The following SERPINE2 variants were observed in gnomAD, a reference collection of about 807,000 sequenced individuals.
The protein encoded by SERPINE2 is glia-derived nexin.
In SERPINE2, 14 loss-of-function variants were observed where a neutral mutation model predicts 36.3. The observed-to-expected ratio is 0.39, with a 90% CI of 0.25 to 0.60. The LOEUF (loss-of-function observed/expected upper bound fraction) is 0.60, where lower values mean the gene tolerates loss of function less well. Among genes scored for constraint, SERPINE2 ranks in the 20% least tolerant of loss-of-function variants. The pLI, the probability that SERPINE2 is intolerant of heterozygous loss-of-function variation, is 0.57. For synonymous variants in SERPINE2, 192 were observed against 191.8 expected (o/e 1.00, Z -0.01); for missense variants, 418 against 499.6 (o/e 0.84, Z 1.56).
chr2:223,997,932 A>T (rs541237415), intron 3 of SERPINE2, among the ~76,000 whole-genome samples, 183 bp downstream of exon 3: 1 of 152,290 alleles, frequency 6.6e-6, no homozygotes, highest in African/African-American at 2.4e-5. Context: ...ACCTCCCAGG[A>T]GCACAGTGAG....
At chr2:224,029,535 T>C (rs1434820537) in intron 1 of SERPINE2, among the ~76,000 whole-genome samples, 2 of 152,246 alleles carry the variant, frequency 1.3e-5, no homozygotes, top group Non-Finnish European at 2.9e-5. Context: ...ATTCACCATA[T>C]GTTTAAAATA....
At chr2:224,033,147 A>G (rs951792034) in intron 1 of SERPINE2, among the ~76,000 whole-genome samples, 1 of 152,216 alleles carries the variant, frequency 6.6e-6, no homozygotes, top group Non-Finnish European at 1.5e-5. Flanking sequence ...TGGTTTTCAG[A>G]TTAGGCGTGC....
intron 3 of SERPINE2, among the ~76,000 whole-genome samples, chr2:223,992,942 T>C (rs1690731790): frequency 6.6e-6 from 1 of 151,942 alleles, no homozygotes; most frequent in Non-Finnish European, 1.5e-5. Flanking sequence ...CTAGACCCCA[T>C]CTCTAGAAAA....
At chr2:224,005,981 T>C (rs1359029764) in intron 1 of SERPINE2, among the ~76,000 whole-genome samples, 2 of 152,212 alleles carry the variant, frequency 1.3e-5, no homozygotes, top group African/African-American at 2.4e-5. Context: ...TCCTTTCCAA[T>C]ACGGGGAATG....
intron 1 of SERPINE2, chr2:224,031,297 C>G (rs1450920467): frequency 2.8e-5 from 28 of 985,272 alleles, no homozygotes; most frequent in Non-Finnish European, 3.1e-5. Flanking sequence ...CCCTTTATCT[C>G]TGCCACACCC....
chr2:224,030,049 A>G (rs1403193702), intron 1 of SERPINE2: 29 of 985,364 alleles, frequency 2.9e-5, no homozygotes, highest in Non-Finnish European at 3.5e-5. Flanking sequence ...AATGGAAAAA[A>G]GCAGCCAGCA....
rs1355382488 is a variant in SERPINE2 at position 224,011,067 on chromosome 2, G to GA, written c.-22-9146dup. ...GAGGGGGAGGGGTGAGTATGTCCCAGAAAACCTTTAATAGTGCTGAGATAT... is the reference window on the plus strand; with the variant it reads ...GAGGGGGAGGGGTGAGTATGTCCCAGAAAAACCTTTAATAGTGCTGAGATAT... On this transcript the variant is annotated intron_variant, in intron 1 of 8. Coordinates refer to ENST00000409304, the MANE Select transcript of SERPINE2 (RefSeq NM_001136528.2). 2.7e-3 allele frequency among the ~76,000 whole-genome samples: 412 copies of GA among 152,308 alleles called. 5 individuals carry two copies. The highest frequency in any genetic ancestry group is 9.3e-3 in the African/African-American group (388 of 41,584).
At chr2:223,993,974 C>T (rs1409258964) in intron 3 of SERPINE2, among the ~76,000 whole-genome samples, 1 of 152,162 alleles carries the variant, frequency 6.6e-6, no homozygotes, top group Non-Finnish European at 1.5e-5. Context: ...AATTGACTTC[C>T]TAATAGTGAA....
At chr2:224,016,256 T>G (rs1047119054) in intron 1 of SERPINE2, among the ~76,000 whole-genome samples, 2 of 152,188 alleles carry the variant, frequency 1.3e-5, no homozygotes, top group African/African-American at 4.8e-5. Flanking sequence ...TCCCAGCACT[T>G]TGGGAGGCCG....
chr2:224,007,589 T>C (rs1691471123), intron 1 of SERPINE2, among the ~76,000 whole-genome samples: 1 of 152,210 alleles, frequency 6.6e-6, no homozygotes, highest in Non-Finnish European at 1.5e-5. Context: ...ATGACATCAT[T>C]ATCACACCGC....
At chr2:223,987,031 A>T (rs1468015546) in intron 4 of SERPINE2, among the ~76,000 whole-genome samples, 3 of 152,124 alleles carry the variant, frequency 2.0e-5, no homozygotes, top group Admixed American at 2.0e-4. Context: ...GACACGTGCC[A>T]AAGCCACGAG....
rs752070524 is a variant in SERPINE2 at position 223,984,754 on chromosome 2, G to T, written c.882C>A (p.Pro294=). The change falls in exon 5 of 9, where the codon CCC becomes CCA. Residue 294 remains proline, a splice_region_variant and synonymous_variant. Coordinates refer to ENST00000409304, the MANE Select transcript of SERPINE2 (RefSeq NM_001136528.2). ...TTTGAGGGGAAGGGGCCACTTACTT[G>T]GGCAGGATCACCTGCACCCTCTTGG... is the stretch of plus-strand genomic sequence containing the variant. ...MVPKRVQVIL[P]KFTAVAQTDL... 6.2e-7 allele frequency: 1 copy of T among 1,611,794 alleles called. No homozygotes were observed. The highest frequency in any genetic ancestry group is 8.5e-7 in the Non-Finnish European group (1 of 1,179,570).
chr2:224,020,820 C>A (rs928955298), intron 1 of SERPINE2, among the ~76,000 whole-genome samples: 48 of 152,294 alleles, frequency 3.2e-4, no homozygotes, highest in African/African-American at 1.1e-3. Flanking sequence ...TTTGCATTCC[C>A]TATTTTAAAT....
rs1043070539 is a variant in SERPINE2, at chr2:223,975,541, C to T, written c.*326G>A. 27 of 233,232 alleles carry T rather than the reference C, an allele frequency of 1.2e-4. No individual in the cohort carries two copies. In the Admixed American group the frequency reaches 1.2e-3, roughly 11 times the overall value. The allele number at this position is 233,232 out of a possible 1,614,324, so 14.4% of individuals were successfully genotyped here. A position where few individuals can be genotyped will look rare whatever the true frequency, so the allele number is the denominator to read the frequency against. On this transcript the variant is annotated 3_prime_UTR_variant, in exon 9 of 9. Transcript: ENST00000409304. ...TGAAAAGCCGCACATATAGACAAAA[C>T]AAAACAAAAATTCCTGAACTGGACA...
chr2:223,980,280 A>C, intron 7 of SERPINE2, 31 bp downstream of exon 7: 1 of 1,561,228 alleles, frequency 6.4e-7, no homozygotes, highest in South Asian at 1.1e-5. Flanking sequence ...CCCCTGCTAG[A>C]GGAAGCCCTG....
rs115831753 is a variant in SERPINE2 at position 223,995,341 on chromosome 2, G to T, written c.487+2774C>A. On this transcript the variant is annotated intron_variant, in intron 3 of 8. Transcript: ENST00000409304. ...AAGTCACTTCTGAGCTCTACCATGT[G>T]GTCATGTACCTTTCAGTGGGGGCAG... 8.0e-3 allele frequency among the ~76,000 whole-genome samples: 1,217 copies of T among 152,296 alleles called. 11 individuals carry two copies. The highest frequency in any genetic ancestry group is 0.012 in the Non-Finnish European group (816 of 68,018).
intron 1 of SERPINE2, among the ~76,000 whole-genome samples, chr2:224,018,714 T>C (rs2037754): frequency 0.94 from 143,872 of 152,278 alleles, 68,317 homozygotes; most frequent in Non-Finnish European, 0.99. Flanking sequence ...TTCTCCCAGG[T>C]TCTATATCTT....
At chr2:224,034,356 G>A (rs1457114674) in intron 1 of SERPINE2, among the ~76,000 whole-genome samples, 2 of 152,162 alleles carry the variant, frequency 1.3e-5, no homozygotes, top group Non-Finnish European at 2.9e-5. Context: ...GGAGGAGAAA[G>A]GGAATTCCAG....
rs572993054 is a variant in SERPINE2 at position 223,975,453 on chromosome 2, T to G, written c.*414A>C. 6.4e-6 allele frequency: 1 copy of G among 156,710 alleles called. No individual in the cohort carries two copies. The highest frequency in any genetic ancestry group is 2.4e-5 in the African/African-American group (1 of 41,740). The allele number at this position is 156,710 out of a possible 1,614,324, so 9.7% of individuals were successfully genotyped here. On this transcript the variant is annotated 3_prime_UTR_variant, in exon 9 of 9. Coordinates refer to ENST00000409304, the MANE Select transcript of SERPINE2 (RefSeq NM_001136528.2). ...AATTTAAAAGGCAAATAATTTTTTT[T>G]TCATAAAAAGTAAAAGCTACCATAA...
Sources: gnomAD v4.1 joint callset for allele counts (sites outside exome capture counted in the v4.1 genomes callset) on GRCh38, gnomAD v4.1.1 for gene constraint, MANE v1.5 for transcripts, NCBI Gene and HGNC (gene_info 2026-07-23, HGNC 2026-07-21) for gene names.